The following PRDM6 variants were observed in gnomAD, a reference collection of about 807,000 sequenced individuals.
PRDM6 encodes PR/SET domain 6.
A neutral mutation model predicts 60.8 loss-of-function variants in PRDM6; 25 were observed. That is an observed-to-expected ratio of 0.41 (90% CI 0.30 to 0.57). The LOEUF is 0.57. Among genes scored for constraint, PRDM6 ranks in the 20% least tolerant of loss-of-function variants. PRDM6 has a pLI of 0.27. For synonymous variants in PRDM6, 407 were observed against 357.4 expected (o/e 1.14, Z -1.57); for missense variants, 839 against 821.3 (o/e 1.02, Z -0.26).
chr5:123,119,159 C>T (rs947712992), intron 3 of PRDM6, among the ~76,000 whole-genome samples: 1 of 151,674 alleles, frequency 6.6e-6, no homozygotes, highest in East Asian at 1.9e-4. Flanking sequence ...CTGTTACTAT[C>T]TCCTACCCAC....
intron 6 of PRDM6, 84 bp from the exon 7 acceptor site, chr5:123,180,063 A>T (rs1477672776): frequency 7.8e-7 from 1 of 1,278,692 alleles, no homozygotes; most frequent in Non-Finnish European, 1.1e-6. Flanking sequence ...GTCACCAATA[A>T]GTTTTGGCCC....
chr5:123,138,384 A>G (rs995453313), intron 3 of PRDM6, among the ~76,000 whole-genome samples: 1 of 152,264 alleles, frequency 6.6e-6, no homozygotes, highest in Non-Finnish European at 1.5e-5. Context: ...ATAGCAGGTT[A>G]TCTAATCACA....
intron 2 of PRDM6, among the ~76,000 whole-genome samples, chr5:123,092,424 G>C (rs1472540620): frequency 2.6e-5 from 4 of 152,146 alleles, no homozygotes; most frequent in Non-Finnish European, 5.9e-5. Context: ...CTGGCTGTGT[G>C]CTGAGCTCCT....
intron 3 of PRDM6, among the ~76,000 whole-genome samples, chr5:123,100,800 T>C (rs1432522390): frequency 6.6e-6 from 1 of 152,210 alleles, no homozygotes. Context: ...TGGTGGATTA[T>C]TGAGGTTCAC....
intron 3 of PRDM6, among the ~76,000 whole-genome samples, chr5:123,143,705 C>G (rs1765174424): frequency 6.6e-6 from 1 of 152,150 alleles, no homozygotes; most frequent in African/African-American, 2.4e-5. Flanking sequence ...CAGCCCAAAC[C>G]AGGCTTGTTT....
chr5:123,156,340 C>A (rs75631598), intron 4 of PRDM6, among the ~76,000 whole-genome samples: 2,180 of 152,296 alleles, frequency 0.014, 62 homozygotes, highest in African/African-American at 0.049. Flanking sequence ...AAGCAGTCGT[C>A]TTCACACAGA....
intron 5 of PRDM6, among the ~76,000 whole-genome samples, chr5:123,166,745 A>C (rs567077291): frequency 1.2e-4 from 19 of 152,334 alleles, no homozygotes; most frequent in African/African-American, 4.6e-4. Flanking sequence ...GAAGGGGTAA[A>C]CTGAACTTAG....
chr5:123,176,710 C>T (rs957791094), intron 6 of PRDM6, among the ~76,000 whole-genome samples: 5 of 152,018 alleles, frequency 3.3e-5, no homozygotes, highest in Admixed American at 6.6e-5. Flanking sequence ...GAGACCCTGT[C>T]TCAAAAAATT....
At chr5:123,116,029 G>C (rs937639644) in intron 3 of PRDM6, among the ~76,000 whole-genome samples, 5 of 152,196 alleles carry the variant, frequency 3.3e-5, no homozygotes, top group African/African-American at 1.2e-4. Flanking sequence ...ATTTACAAGA[G>C]ATTTCATCAC....
rs1764064839 is a variant in PRDM6 at position 123,100,069 on chromosome 5, G to A, written c.900+108G>A. 4.3e-6 allele frequency: 5 copies of A among 1,154,558 alleles called. 1 individual carries two copies. The African/African-American group carries it at 7.9e-5, about 18-fold the overall frequency. The allele number at this position is 1,154,558 out of a possible 1,614,324, so 71.5% of individuals were successfully genotyped here. A position where few individuals can be genotyped will look rare whatever the true frequency, so the allele number is the denominator to read the frequency against. The stretch of plus-strand genomic sequence containing the variant: ...TTTGGCTGTGGCAACTGCGAAGAGA[G>A]CCTCCCTTGGCCCCCAGAGGGTAGC... On this transcript the variant is annotated intron_variant, in intron 3 of 7. Coordinates refer to ENST00000407847, the MANE Select transcript of PRDM6 (RefSeq NM_001136239.4).
chr5:123,090,447 C>A lies in PRDM6; in HGVS notation c.433C>A (p.Pro145Thr), dbSNP rs1378860453. The change falls in exon 2 of 8, where the codon CCC becomes ACC. Residue 145 changes from proline (P) to threonine (T), a missense_variant. By Grantham distance (38) the Pro-to-Thr change is conservative (BLOSUM62 -1). Around this residue, in one of 2 missense-constraint regions of PRDM6, gnomAD observed 730 missense variants for 648.8 expected, o/e 1.13. Coordinates refer to ENST00000407847, the MANE Select transcript of PRDM6 (RefSeq NM_001136239.4). The part of the protein sequence containing the change: ...KELCLGATSG[P>T]GPVKCGGGGG... ...ACTGTGCCTCGGCGCCACCTCCGGC[C>A]CCGGGCCCGTCAAGTGCGGTGGTGG... 2 of 1,463,228 alleles carry A rather than the reference C, an allele frequency of 1.4e-6. No individual in the cohort carries two copies. The highest frequency in any genetic ancestry group is 5.0e-5 in the Admixed American group (2 of 39,850). The allele number at this position is 1,463,228 out of a possible 1,614,324, so 90.6% of individuals were successfully genotyped here. A position where few individuals can be genotyped will look rare whatever the true frequency, so the allele number is the denominator to read the frequency against.
intron 3 of PRDM6, among the ~76,000 whole-genome samples, chr5:123,137,842 C>A (rs1765000739): frequency 6.6e-6 from 1 of 152,022 alleles, no homozygotes; most frequent in Non-Finnish European, 1.5e-5. Context: ...TCTTAATATA[C>A]CTGGCACATC....
chr5:123,149,100 G>A (rs1394564485), intron 3 of PRDM6, among the ~76,000 whole-genome samples: 1 of 152,234 alleles, frequency 6.6e-6, no homozygotes, highest in Non-Finnish European at 1.5e-5. Context: ...TTGCTTGTGT[G>A]AAGGTGGAGG....
chr5:123,099,938 AG>A lies in PRDM6; in HGVS notation c.879del (p.Asn294ThrfsTer30). On this transcript the variant is annotated frameshift_variant, in exon 3 of 8. Transcript: ENST00000407847. LOFTEE classifies it high-confidence loss of function. This position sits in a 1 kb window ranked among gnomAD's most constrained non-coding sequence, Gnocchi z 4.0. ...PPEKVQAGAV[R>X]NTQHLWEIYD... is the part of the protein sequence containing the mutation. ...AGAGAAGGTGCAGGCAGGCGCCGTG[AG>A]GAACACGCAGCATCTCTGGGAGGTA... 1 of 1,529,042 alleles carries A rather than the reference AG, an allele frequency of 6.5e-7. No individual in the cohort carries two copies. Among genetic ancestry groups the A allele is most frequent in the Non-Finnish European group, 8.8e-7 (1 of 1,132,586 alleles). The allele number at this position is 1,529,042 out of a possible 1,614,324, so 94.7% of individuals were successfully genotyped here.
rs1766447485 is a variant in PRDM6 at position 123,192,237 on chromosome 5, T to A, written c.*5036T>A. The A allele has an allele frequency of 6.6e-6, 1 of 152,214 alleles. No homozygotes were observed. Among genetic ancestry groups the A allele is most frequent in the South Asian group, 2.1e-4 (1 of 4,832 alleles). The allele number at this position is 152,214 out of a possible 1,614,324, so 9.4% of individuals were successfully genotyped here. A position where few individuals can be genotyped will look rare whatever the true frequency, so the allele number is the denominator to read the frequency against. The stretch of plus-strand genomic sequence containing the variant: ...GCTTAATGTGGATTATCTCTTTTAA[T>A]CCTTAGTAACTCTATAACAAAGATA... On this transcript the variant is annotated 3_prime_UTR_variant, in exon 8 of 8. Transcript: ENST00000407847.
chr5:123,131,828 A>G (rs1360757078), intron 3 of PRDM6, among the ~76,000 whole-genome samples: 1 of 152,240 alleles, frequency 6.6e-6, no homozygotes, highest in Non-Finnish European at 1.5e-5. Flanking sequence ...TGCTTATTAT[A>G]TGTCTGGTAC....
chr5:123,121,346 T>C (rs1373147154), intron 3 of PRDM6, among the ~76,000 whole-genome samples: 1 of 152,204 alleles, frequency 6.6e-6, no homozygotes, highest in African/African-American at 2.4e-5. Flanking sequence ...CCAACTTTTC[T>C]TTTTTTGCTT....
chr5:123,123,748 C>G (rs1434089850), intron 3 of PRDM6, among the ~76,000 whole-genome samples: 1 of 152,098 alleles, frequency 6.6e-6, no homozygotes, highest in South Asian at 2.1e-4. Context: ...AACTTTAGGC[C>G]CATTTGATAC....
intron 3 of PRDM6, among the ~76,000 whole-genome samples, chr5:123,136,389 T>C (rs1764951198): frequency 6.6e-6 from 1 of 152,292 alleles, no homozygotes; most frequent in Middle Eastern, 3.4e-3. Flanking sequence ...TGGGACGTTA[T>C]TCACCGAACA....
Sources: gnomAD v4.1 joint callset for allele counts (sites outside exome capture counted in the v4.1 genomes callset) on GRCh38, gnomAD v4.1.1 for gene constraint, gnomAD v4.1.1 regional missense constraint, Gnocchi (gnomAD v3.1) non-coding constraint, MANE v1.5 for transcripts, NCBI Gene and HGNC (gene_info 2026-07-23, HGNC 2026-07-21) for gene names.